SLC12A7: variants seen among roughly 807,000 people sequenced by gnomAD.
SLC12A7 encodes solute carrier family 12 member 7, also known as K-Cl cotransporter 4.
In SLC12A7, 100 loss-of-function variants were observed where a neutral mutation model predicts 120.6. That is an observed-to-expected ratio of 0.83 (90% confidence interval 0.71 to 0.98). The LOEUF (loss-of-function observed/expected upper bound fraction) is 0.98. Ranked by LOEUF, SLC12A7 falls within the 50% of genes least tolerant of loss-of-function variation. The probability of loss-of-function intolerance (pLI) is 0.00; values close to 1 mark genes in which losing one functional copy is unlikely to be tolerated. For synonymous variants in SLC12A7, 760 were observed against 678.0 expected, an observed-to-expected ratio of 1.12 and a Z score of -1.88; for missense variants, 1,373 against 1,548.1, an observed-to-expected ratio of 0.89 and a Z score of 1.90.
intron 6 of SLC12A7, among the ~76,000 whole-genome samples, chr5:1,086,587 C>T (rs1477134199): frequency 6.6e-6 from 1 of 152,252 alleles, no homozygotes; most frequent in Non-Finnish European, 1.5e-5. Context: ...TCCAGCCCTG[C>T]TCCTAAAACA....
chr5:1,130,276 G>T, the SLC12A7 span, among the ~76,000 whole-genome samples: 1 of 152,180 alleles, frequency 6.6e-6, no homozygotes, highest in Non-Finnish European at 1.5e-5. Flanking sequence ...GGCTGGCTGG[G>T]AGGAGGCACT....
rs1330907094 is a variant in SLC12A7, at chr5:1,050,786, G to A, written c.*1574C>T. ...GCAGGCAGAGGCTGTGGGAACTGCT[G>A]AGCCCCGCTGTGATGTCTGGGACAC... On this transcript the variant is annotated 3_prime_UTR_variant, in exon 24 of 24. Transcript: ENST00000264930. 1.5e-5 allele frequency: 6 copies of A among 398,354 alleles called. No homozygotes were observed. Among genetic ancestry groups the A allele is most frequent in the Admixed American group, 8.8e-5 (2 of 22,720 alleles). The allele number at this position is 398,354 out of a possible 1,614,324, so 24.7% of individuals were successfully genotyped here.
intron 17 of SLC12A7, among the ~76,000 whole-genome samples, chr5:1,070,017 CG>C (rs66653613): frequency 0.072 from 3,461 of 48,174 alleles, 76 homozygotes; most frequent in Non-Finnish European, 0.1. Context: ...CCCCAGCACA[CG>C]GGCATCACAC....
At chr5:1,119,042 C>T in the SLC12A7 span, among the ~76,000 whole-genome samples, 1 of 152,066 alleles carries the variant, frequency 6.6e-6, no homozygotes, top group Non-Finnish European at 1.5e-5. Context: ...GGCCCTGCCT[C>T]GTTTTGTGGC....
At position 1,076,912 on chromosome 5, in the gene SLC12A7, C is replaced by A. The variant is rs148478443; in HGVS notation, c.1630-100G>T. 8,293 of 817,528 alleles carry A rather than the reference C, an allele frequency of 0.01. 50 individuals are homozygous for A. The highest frequency in any genetic ancestry group is 0.015 in the Non-Finnish European group (7,113 of 481,212). 50.6% of individuals were successfully genotyped at this position (817,528 alleles called of 1,614,324 possible). A position where few individuals can be genotyped will look rare whatever the true frequency, so the allele number is the denominator to read the frequency against. On this transcript the variant is annotated intron_variant, in intron 12 of 23. Coordinates refer to ENST00000264930, the MANE Select transcript of SLC12A7 (RefSeq NM_006598.3). Reference sequence around the variant, plus strand: ...CTAGCCCAGATGAATCTTAAAGACACAGACCAGCAGAAACGCCTTTCACAG... The same window carrying A: ...CTAGCCCAGATGAATCTTAAAGACAAAGACCAGCAGAAACGCCTTTCACAG...
chr5:1,150,556 C>T, the SLC12A7 span, among the ~76,000 whole-genome samples: 3 of 152,230 alleles, frequency 2.0e-5, no homozygotes, highest in South Asian at 6.2e-4. Flanking sequence ...TCTCAAAACC[C>T]AGGTCCCCTC....
intron 3 of SLC12A7, among the ~76,000 whole-genome samples, chr5:1,092,338 GC>G (rs1331033746): frequency 1.3e-5 from 2 of 152,342 alleles, no homozygotes; most frequent in Admixed American, 6.5e-5. Context: ...CTGGGAGGAT[GC>G]AGGGGAGGGC....
At chr5:1,123,572 GCAGCT>G in the SLC12A7 span, among the ~76,000 whole-genome samples, 3 of 152,254 alleles carry the variant, frequency 2.0e-5, no homozygotes, top group Non-Finnish European at 4.4e-5. Context: ...CTGAGGGGTA[GCAGCT>G]CAGCAAGGCA....
intron 16 of SLC12A7, 73 bp downstream of exon 16, chr5:1,074,494 C>G: frequency 7.3e-7 from 1 of 1,374,734 alleles, no homozygotes; most frequent in South Asian, 1.3e-5. Context: ...ACTCAAAGGT[C>G]CCCACTCAAA....
chr5:1,060,383 C>T lies in SLC12A7; in HGVS notation c.2808G>A (p.Leu936=), dbSNP rs1736057013. ...TLMMEQRSQM[L]KQMQLSKNEQ... is the part of the protein sequence containing the mutation. ...CGTTCTTGGACAGCTGCATCTGCTT[C>T]AGCATCTGCGACCTCTGCTCCATCA... is the stretch of plus-strand genomic sequence containing the variant. The change falls in exon 21 of 24, where the codon CTG becomes CTA. Residue 936 remains leucine (L), a synonymous_variant. Transcript: ENST00000264930. The T allele has an allele frequency of 1.9e-6, 3 of 1,613,652 alleles. No homozygotes were observed. Among genetic ancestry groups the T allele is most frequent in the African/African-American group, 1.3e-5 (1 of 74,946 alleles).
chr5:1,052,895 A>C (rs1735202607), intron 23 of SLC12A7, among the ~76,000 whole-genome samples: 1 of 152,234 alleles, frequency 6.6e-6, no homozygotes, highest in Non-Finnish European at 1.5e-5. Flanking sequence ...CAATACGCCC[A>C]GATGCACTGC....
chr5:1,133,259 C>T, the SLC12A7 span, among the ~76,000 whole-genome samples: 1 of 152,214 alleles, frequency 6.6e-6, no homozygotes, highest in African/African-American at 2.4e-5. Context: ...ACAAATTTAA[C>T]CAGGCGCCCT....
chr5:1,147,924 G>A, the SLC12A7 span, among the ~76,000 whole-genome samples: 2 of 152,024 alleles, frequency 1.3e-5, no homozygotes, highest in Admixed American at 1.3e-4. Flanking sequence ...TTGTAGAGAC[G>A]GGATCTTGCT....
chr5:1,078,558 A>T, intron 11 of SLC12A7, 143 bp downstream of exon 11: 2 of 703,710 alleles, frequency 2.8e-6, no homozygotes, highest in Non-Finnish European at 5.1e-6. Flanking sequence ...AGACCAAGGG[A>T]TCCCAACCCT....
In SLC12A7 at chr5:1,060,285, G is replaced by A. The variant is rs4975568; in HGVS notation, c.2847+59C>T. The A allele has an allele frequency of 0.99, 1,284,822 of 1,302,872 alleles. 635,243 individuals carry two copies. Among genetic ancestry groups the A allele is most frequent in the East Asian group, 1 (43,360 of 43,360 alleles). 80.7% of individuals were successfully genotyped at this position (1,302,872 alleles called of 1,614,324 possible). A position where few individuals can be genotyped will look rare whatever the true frequency, so the allele number is the denominator to read the frequency against. ...TGCAGGAGGGTCCCAGAAAAGACTC[G>A]GCGAAGTCGGCTATACTTCTCAGAA... On this transcript the variant is annotated intron_variant, in intron 21 of 23. Transcript: ENST00000264930.
intron 1 of SLC12A7, among the ~76,000 whole-genome samples, chr5:1,098,825 C>A (rs1369205211): frequency 6.6e-6 from 1 of 150,488 alleles, no homozygotes; most frequent in African/African-American, 2.5e-5. Context: ...GCGTCCCTTG[C>A]GCTCCCTGGC....
At chr5:1,069,112 C>T (rs1415216753) in intron 17 of SLC12A7, among the ~76,000 whole-genome samples, 1 of 152,280 alleles carries the variant, frequency 6.6e-6, no homozygotes, top group Non-Finnish European at 1.5e-5. Flanking sequence ...CGTGGTGAGC[C>T]ATGACGCCGC....
intron 20 of SLC12A7, among the ~76,000 whole-genome samples, chr5:1,063,169 G>A (rs74772215): frequency 0.085 from 12,896 of 152,242 alleles, 725 homozygotes; most frequent in Middle Eastern, 0.16. Context: ...CGTGAAGGAC[G>A]GGACGAGTCT....
rs544677483 is a variant in SLC12A7 at position 1,068,708 on chromosome 5, C to T, written c.2242-3230G>A. On this transcript the variant is annotated intron_variant, in intron 17 of 23. Transcript: ENST00000264930. ...GGCTCCTGTCTGAGGCTGCCCCAGA[C>T]CCCCCAGCCGAAGGGCTGTCGGACG... Among the ~76,000 whole-genome samples, 5 of 152,388 alleles carry T rather than the reference C, an allele frequency of 3.3e-5. No homozygotes were observed. In the East Asian group the frequency reaches 9.6e-4, roughly 29 times the overall value.
Sources: allele counts gnomAD v4.1 joint callset (sites outside exome capture counted in the v4.1 genomes callset), GRCh38; gene constraint gnomAD v4.1.1; transcripts MANE v1.5; gene names NCBI Gene and HGNC (gene_info 2026-07-23, HGNC 2026-07-21).